PTPRN2: variants seen among roughly 807,000 people sequenced by gnomAD.
PTPRN2 encodes the protein receptor-type tyrosine-protein phosphatase N2.
PTPRN2 carries 74 observed loss-of-function variants against 118.8 expected under a neutral mutation model. That is an observed-to-expected ratio of 0.62 (90% CI 0.52 to 0.76). The LOEUF (loss-of-function observed/expected upper bound fraction) is 0.76, where lower values mean the gene tolerates loss of function less well. PTPRN2 is among the 30% of genes least tolerant of loss of function. The probability of loss-of-function intolerance (pLI) is 0.00; values close to 1 mark genes in which losing one functional copy is unlikely to be tolerated. For synonymous variants in PTPRN2, 641 were observed against 608.0 expected (o/e 1.05, Z -0.80); for missense variants, 1,481 against 1,394.4 (o/e 1.06, Z -0.99).
intron 11 of PTPRN2, among the ~76,000 whole-genome samples, chr7:158,073,635 G>A (rs925941580): frequency 6.7e-6 from 1 of 149,206 alleles, no homozygotes; most frequent in Non-Finnish European, 1.5e-5. Flanking sequence ...GCGGAGATGA[G>A]GCCGCTTCCT....
intron 11 of PTPRN2, among the ~76,000 whole-genome samples, chr7:158,046,504 G>A (rs554145478): frequency 6.6e-6 from 1 of 152,342 alleles, no homozygotes; most frequent in Non-Finnish European, 1.5e-5. Flanking sequence ...CTTGTTCTGT[G>A]CACTGCCCTT....
intron 3 of PTPRN2, among the ~76,000 whole-genome samples, chr7:158,299,649 T>C (rs1203144456): frequency 6.6e-6 from 1 of 152,198 alleles, no homozygotes; most frequent in Non-Finnish European, 1.5e-5. Context: ...AGCCAGGGCC[T>C]TCTGAGAGCT....
At chr7:158,171,348 T>TAGAC (rs1554571717) in intron 5 of PTPRN2, among the ~76,000 whole-genome samples, 1 of 90,004 alleles carries the variant, frequency 1.1e-5, no homozygotes, top group Non-Finnish European at 2.1e-5. Flanking sequence ...TATATATATA[T>TAGAC]ACACACACAC....
intron 11 of PTPRN2, among the ~76,000 whole-genome samples, chr7:158,011,705 G>A (rs1235259485): frequency 1.3e-5 from 2 of 152,084 alleles, no homozygotes; most frequent in Admixed American, 6.5e-5. Flanking sequence ...ACTAATAATC[G>A]GGGACAAGGG....
chr7:158,166,782 C>T, intron 6 of PTPRN2, 149 bp downstream of exon 6: 1 of 1,093,314 alleles, frequency 9.1e-7, no homozygotes, highest in Non-Finnish European at 1.2e-6. Context: ...GGGACCCTTC[C>T]CTACATGGTG....
At chr7:158,149,744 C>A (rs111776267) in intron 6 of PTPRN2, among the ~76,000 whole-genome samples, 6 of 149,770 alleles carry the variant, frequency 4.0e-5, no homozygotes, top group African/African-American at 1.2e-4. Flanking sequence ...ACGGAGGTTG[C>A]GGTGAGCTGA....
intron 9 of PTPRN2, among the ~76,000 whole-genome samples, chr7:158,111,180 T>C (rs1035241014): frequency 2.0e-5 from 3 of 151,628 alleles, no homozygotes; most frequent in African/African-American, 7.3e-5. Flanking sequence ...GAAAATACAA[T>C]AAAGGGGAGA....
At position 157,813,149 on chromosome 7, in the gene PTPRN2, C is replaced by T. The variant is rs372192075; in HGVS notation, c.1788+85524G>A. Among the ~76,000 whole-genome samples, 37 of 152,290 alleles carry T rather than the reference C, an allele frequency of 2.4e-4. No individual in the cohort carries two copies. Among genetic ancestry groups the T allele is most frequent in the African/African-American group, 8.9e-4 (37 of 41,528 alleles). On this transcript the variant is annotated intron_variant, in intron 12 of 22. Coordinates refer to ENST00000389418, the MANE Select transcript of PTPRN2 (RefSeq NM_002847.5). The surrounding 1 kb of genome is among the most constrained non-coding windows in gnomAD (Gnocchi z 4.7). ...GGCAGCCTCCCCCAAGCCAACCACCCGGGCCCACAGACAAGCATCTCCAGA... is the reference window on the plus strand; with the variant it reads ...GGCAGCCTCCCCCAAGCCAACCACCTGGGCCCACAGACAAGCATCTCCAGA...
At chr7:157,743,042 T>C (rs1240526939) in intron 12 of PTPRN2, among the ~76,000 whole-genome samples, 1 of 152,102 alleles carries the variant, frequency 6.6e-6, no homozygotes, top group Admixed American at 6.5e-5. Flanking sequence ...TTGTAATGAA[T>C]GGACCACTCA....
intron 3 of PTPRN2, among the ~76,000 whole-genome samples, chr7:158,293,462 G>C (rs1800251308): frequency 6.6e-6 from 1 of 151,928 alleles, no homozygotes; most frequent in Non-Finnish European, 1.5e-5. Flanking sequence ...TGTAATCCCA[G>C]GTACTCGGGA....
chr7:158,071,757 G>A (rs201440184), intron 11 of PTPRN2, among the ~76,000 whole-genome samples: 97 of 136,160 alleles, frequency 7.1e-4, no homozygotes, highest in Non-Finnish European at 9.9e-4. Flanking sequence ...CATGGTGGAG[G>A]TGCTCGTGGT....
intron 12 of PTPRN2, among the ~76,000 whole-genome samples, chr7:157,755,723 A>G (rs932507128): frequency 6.6e-6 from 1 of 152,090 alleles, no homozygotes; most frequent in Non-Finnish European, 1.5e-5. Flanking sequence ...GGGGACCCCC[A>G]GAGGGAGGGG....
At chr7:158,081,737 T>C (rs1236533805) in intron 10 of PTPRN2, among the ~76,000 whole-genome samples, 2 of 152,216 alleles carry the variant, frequency 1.3e-5, no homozygotes, top group Admixed American at 6.5e-5. Flanking sequence ...AAGGGAGATG[T>C]ATGAATCTAG....
chr7:157,559,826 G>C (rs1238321455), intron 21 of PTPRN2, among the ~76,000 whole-genome samples: 1 of 151,414 alleles, frequency 6.6e-6, no homozygotes, highest in Non-Finnish European at 1.5e-5. Flanking sequence ...CAGGGCTGTG[G>C]CCCCCCCCGC....
At chr7:157,726,857 A>T (rs563421481) in intron 12 of PTPRN2, among the ~76,000 whole-genome samples, 16 of 149,940 alleles carry the variant, frequency 1.1e-4, no homozygotes, top group Non-Finnish European at 1.2e-4. Context: ...ACTTGAACAC[A>T]TGTTTCTCCA....
chr7:158,141,932 G>T (rs543007371), intron 6 of PTPRN2, among the ~76,000 whole-genome samples: 1 of 152,196 alleles, frequency 6.6e-6, no homozygotes, highest in Non-Finnish European at 1.5e-5. Context: ...TGATCGGAGC[G>T]TGCTGGGCGT....
chr7:158,138,665 G>T lies in PTPRN2; in HGVS notation c.911-150C>A, dbSNP rs1055193350. ...CGCAGGCCAGTGCTCAGAGAAGATT[G>T]GGATATTGGACTTGAATCTCAAATC... On this transcript the variant is annotated intron_variant, in intron 6 of 22. Coordinates refer to ENST00000389418, the MANE Select transcript of PTPRN2 (RefSeq NM_002847.5). 13 of 669,896 alleles carry T rather than the reference G, an allele frequency of 1.9e-5. No individual in the cohort carries two copies. In the Admixed American group the frequency reaches 3.2e-4, roughly 16 times the overall value. 41.5% of individuals were successfully genotyped at this position (669,896 alleles called of 1,614,324 possible). A position where few individuals can be genotyped will look rare whatever the true frequency, so the allele number is the denominator to read the frequency against.
intron 2 of PTPRN2, among the ~76,000 whole-genome samples, chr7:158,382,258 A>C (rs1811018844): frequency 6.6e-6 from 1 of 152,120 alleles, no homozygotes. Context: ...GGAGGAGGCC[A>C]GGACCAGGGA....
chr7:158,289,811 T>A (rs930049726), intron 3 of PTPRN2, among the ~76,000 whole-genome samples: 1 of 152,230 alleles, frequency 6.6e-6, no homozygotes, highest in Non-Finnish European at 1.5e-5. Flanking sequence ...CTTTGTAGAA[T>A]GGCTTCGCCT....
Sources: allele counts gnomAD v4.1 joint callset (sites outside exome capture counted in the v4.1 genomes callset), GRCh38; gene constraint gnomAD v4.1.1; non-coding constraint Gnocchi (gnomAD v3.1); transcripts MANE v1.5; gene names NCBI Gene and HGNC (gene_info 2026-07-23, HGNC 2026-07-21).